Variants in MOB3B observed in about 807,000 individuals in gnomAD.
MOB3B encodes MOB kinase activator 3B.
In MOB3B, 7 loss-of-function variants were observed where a neutral mutation model predicts 18.7. The observed-to-expected ratio is 0.37, with a 90% CI of 0.21 to 0.70. The LOEUF (loss-of-function observed/expected upper bound fraction) is 0.70. Among genes scored for constraint, MOB3B ranks in the 30% least tolerant of loss-of-function variants. The pLI, the probability that MOB3B is intolerant of heterozygous loss-of-function variation, is 0.52. For synonymous variants in MOB3B, 111 were observed against 99.9 expected (o/e 1.11, Z -0.66); for missense variants, 253 against 281.3 (o/e 0.90, Z 0.72).
chr9:27,381,714 G>A (rs939239376), intron 2 of MOB3B, among the ~76,000 whole-genome samples: 7 of 152,122 alleles, frequency 4.6e-5, no homozygotes, highest in African/African-American at 9.7e-5. Flanking sequence ...AGGCGCCATC[G>A]TAGCTCATTG....
At chr9:27,369,031 T>C (rs1375037926) in intron 2 of MOB3B, among the ~76,000 whole-genome samples, 1 of 152,122 alleles carries the variant, frequency 6.6e-6, no homozygotes, top group African/African-American at 2.4e-5. Flanking sequence ...TAAAAGCCAT[T>C]AGAAACAAAC....
At chr9:27,522,242 CAAAAAAAAAAAAAAA>C (rs1171362204) in intron 1 of MOB3B, among the ~76,000 whole-genome samples, 2 of 56,046 alleles carry the variant, frequency 3.6e-5, no homozygotes, top group African/African-American at 1.6e-4. Flanking sequence ...CCCCGTCTCA[CAAAAAAAAAAAAAAA>C]AAAAAAAAAG....
intron 1 of MOB3B, among the ~76,000 whole-genome samples, chr9:27,499,719 G>A (rs1819959119): frequency 6.6e-6 from 1 of 151,970 alleles, no homozygotes; most frequent in Non-Finnish European, 1.5e-5. Context: ...ACCTTCTGAA[G>A]GACAAGTCAC....
At position 27,327,713 on chromosome 9, in the gene MOB3B, C is replaced by T. The variant is rs1422714948; in HGVS notation, c.*2874G>A. On this transcript the variant is annotated 3_prime_UTR_variant, in exon 4 of 4. Coordinates refer to ENST00000262244, the MANE Select transcript of MOB3B (RefSeq NM_024761.5). The stretch of plus-strand genomic sequence containing the variant: ...GGATCCTGGATTTAAAAATAAACAG[C>T]TATAAAGGATATTTTGGGGACAACT... 6.6e-6 allele frequency: 1 copy of T among 151,966 alleles called. No individual in the cohort carries two copies. Among genetic ancestry groups the T allele is most frequent in the Non-Finnish European group, 1.5e-5 (1 of 68,006 alleles). The allele number at this position is 151,966 out of a possible 1,614,324, so 9.4% of individuals were successfully genotyped here.
chr9:27,390,241 C>A (rs990907732), intron 2 of MOB3B, among the ~76,000 whole-genome samples: 2 of 151,994 alleles, frequency 1.3e-5, no homozygotes, highest in Non-Finnish European at 2.9e-5. Flanking sequence ...GTGTATGCCA[C>A]CACGCCTGGC....
chr9:27,511,724 A>C (rs1820149497), intron 1 of MOB3B, among the ~76,000 whole-genome samples: 1 of 152,134 alleles, frequency 6.6e-6, no homozygotes, highest in Admixed American at 6.5e-5. Context: ...ATGGCTGACA[A>C]CTCCAATCCT....
At chr9:27,428,138 A>G (rs1376325964) in intron 2 of MOB3B, among the ~76,000 whole-genome samples, 1 of 152,194 alleles carries the variant, frequency 6.6e-6, no homozygotes, top group African/African-American at 2.4e-5. Context: ...TGCATTCAGC[A>G]GCTATTTACT....
intron 1 of MOB3B, among the ~76,000 whole-genome samples, chr9:27,474,499 A>G (rs565877676): frequency 1.3e-5 from 2 of 152,198 alleles, no homozygotes; most frequent in African/African-American, 4.8e-5. Context: ...AAGTGAAGGC[A>G]ATGACATTTT....
chr9:27,424,532 A>T (rs540541283), intron 2 of MOB3B, among the ~76,000 whole-genome samples: 43 of 152,302 alleles, frequency 2.8e-4, no homozygotes, highest in African/African-American at 1.0e-3. Flanking sequence ...GAGGAAGATA[A>T]ACTCTGAGTG....
chr9:27,402,916 T>G (rs1435875425), intron 2 of MOB3B, among the ~76,000 whole-genome samples: 1 of 152,244 alleles, frequency 6.6e-6, no homozygotes, highest in Non-Finnish European at 1.5e-5. Flanking sequence ...CTTTAGCTGT[T>G]GGAGACCCTC....
In MOB3B at chr9:27,480,597, G is replaced by A. The variant is rs140736215; in HGVS notation, c.-198-24849C>T. ...TTACAGATGTGAGCCACCGTGCCTG[G>A]CCCCAGCTAATTTTTGTATTTTTAG... is the stretch of plus-strand genomic sequence containing the variant. On this transcript the variant is annotated intron_variant, in intron 1 of 3. Transcript: ENST00000262244. Among the ~76,000 whole-genome samples the A allele has an allele frequency of 7.2e-3, 1,098 of 152,056 alleles. 10 individuals are homozygous for A. Among genetic ancestry groups the A allele is most frequent in the African/African-American group, 0.024 (1,014 of 41,486 alleles).
At chr9:27,439,822 C>T (rs972105030) in intron 2 of MOB3B, among the ~76,000 whole-genome samples, 2 of 152,118 alleles carry the variant, frequency 1.3e-5, no homozygotes, top group Admixed American at 1.3e-4. Flanking sequence ...GCCAGAAAGA[C>T]CTACTATGGA....
intron 1 of MOB3B, among the ~76,000 whole-genome samples, chr9:27,483,257 C>G (rs561138089): frequency 1.3e-5 from 2 of 151,486 alleles, no homozygotes; most frequent in Non-Finnish European, 2.9e-5. Context: ...CTCAGCCTCC[C>G]GAGTAGCTGG....
chr9:27,491,943 C>A (rs1044206521), intron 1 of MOB3B, among the ~76,000 whole-genome samples: 1 of 152,208 alleles, frequency 6.6e-6, no homozygotes, highest in Non-Finnish European at 1.5e-5. Flanking sequence ...GATATCACTA[C>A]TTTTATAGGC....
intron 1 of MOB3B, among the ~76,000 whole-genome samples, chr9:27,516,479 C>T (rs895970037): frequency 6.6e-6 from 1 of 152,140 alleles, no homozygotes; most frequent in Non-Finnish European, 1.5e-5. Flanking sequence ...TTAAAAGAAT[C>T]ACATCAACAG....
At chr9:27,362,021 C>T (rs943600535) in intron 2 of MOB3B, among the ~76,000 whole-genome samples, 5 of 152,206 alleles carry the variant, frequency 3.3e-5, no homozygotes, top group Admixed American at 1.3e-4. Flanking sequence ...AAGTTTTGGA[C>T]ACACTGCGGA....
intron 2 of MOB3B, among the ~76,000 whole-genome samples, chr9:27,361,702 TG>T (rs1273607696): frequency 2.0e-5 from 3 of 152,192 alleles, no homozygotes; most frequent in Middle Eastern, 3.2e-3. Flanking sequence ...GAAATAGATT[TG>T]GGACAATTAA....
intron 2 of MOB3B, among the ~76,000 whole-genome samples, chr9:27,409,490 A>G (rs1376852708): frequency 2.0e-5 from 3 of 152,258 alleles, no homozygotes; most frequent in African/African-American, 7.2e-5. Flanking sequence ...GTAGAAATGT[A>G]TAATGGTGCA....
chr9:27,508,409 G>T (rs1057080318), intron 1 of MOB3B, among the ~76,000 whole-genome samples: 8 of 152,192 alleles, frequency 5.3e-5, no homozygotes, highest in African/African-American at 1.7e-4. Flanking sequence ...GAATCCACGT[G>T]TAGGGACCAT....
Sources: gnomAD v4.1 joint callset for allele counts (sites outside exome capture counted in the v4.1 genomes callset) on GRCh38, gnomAD v4.1.1 for gene constraint, MANE v1.5 for transcripts, NCBI Gene and HGNC (gene_info 2026-07-23, HGNC 2026-07-21) for gene names.